The following POLR3A variants were observed in gnomAD, a reference collection of about 807,000 sequenced individuals.
POLR3A encodes the protein RNA polymerase III subunit A.
Under a neutral mutation model 152.8 loss-of-function variants are expected in POLR3A, and 112 were observed. The observed-to-expected ratio is 0.73, with a 90% CI of 0.63 to 0.86. The LOEUF (loss-of-function observed/expected upper bound fraction) is 0.86. POLR3A is among the 40% of genes least tolerant of loss of function. POLR3A has a pLI of 0.00. For missense variants in POLR3A, 1,385 were observed against 1,743.1 expected, an observed-to-expected ratio of 0.79 and a Z score of 3.66; for synonymous variants, 615 against 652.1, an observed-to-expected ratio of 0.94 and a Z score of 0.87.
Position 78,009,573 on chromosome 10 carries a change from A to G in POLR3A, c.1873T>C (p.Cys625Arg). ...ANLRTKGKQY[C>R]GKGEDLCAND... ...GCACAGAGATCTTCCCCTTTGCCACAGTACTGCTTGCCCTTGGTTCGCAGG... is the reference window on the plus strand; with the variant it reads ...GCACAGAGATCTTCCCCTTTGCCACGGTACTGCTTGCCCTTGGTTCGCAGG... The change falls in exon 14 of 31, where the codon TGT becomes CGT. Residue 625 changes from cysteine (C) to arginine (R), a missense_variant. Physicochemically the swap from Cys to Arg is radical, Grantham distance 180 (BLOSUM62 -3). Around this residue, in one of 7 missense-constraint regions of POLR3A, gnomAD observed 188 missense variants for 179.9 expected, o/e 1.04. Transcript: ENST00000372371. 1 of 1,614,204 alleles carries G rather than the reference A, an allele frequency of 6.2e-7. No individual in the cohort carries two copies.
At chr10:78,021,432 T>C in intron 8 of POLR3A, 114 bp downstream of exon 8, 1 of 998,650 alleles carries the variant, frequency 1.0e-6, no homozygotes, top group Non-Finnish European at 1.6e-6. Context: ...TAAACCAAAC[T>C]GTGGGTTGAG....
chr10:77,996,309 A>G (rs1371375332), intron 19 of POLR3A, among the ~76,000 whole-genome samples: 8 of 152,354 alleles, frequency 5.3e-5, no homozygotes, highest in African/African-American at 1.9e-4. Flanking sequence ...AATAACTAAG[A>G]TCAGAGCAGA....
intron 1 of POLR3A, among the ~76,000 whole-genome samples, chr10:78,027,812 C>T (rs1330921124): frequency 1.3e-5 from 2 of 152,166 alleles, no homozygotes; most frequent in Non-Finnish European, 2.9e-5. Context: ...CTGCCATGGC[C>T]TCCCAAAGTG....
chr10:78,025,482 G>A, intron 3 of POLR3A, 140 bp downstream of exon 3: 1 of 813,172 alleles, frequency 1.2e-6, no homozygotes, highest in Non-Finnish European at 2.1e-6. Flanking sequence ...AACGTAGTGT[G>A]AGATGAAAAT....
chr10:78,021,500 A>C (rs769839269), intron 8 of POLR3A, 46 bp downstream of exon 8: 1 of 1,606,482 alleles, frequency 6.2e-7, no homozygotes, highest in Admixed American at 1.7e-5. Flanking sequence ...ATAACGTAAA[A>C]GACTGAATTT....
intron 13 of POLR3A, 53 bp from the exon 14 acceptor site, chr10:78,009,728 C>G: frequency 1.2e-6 from 2 of 1,613,820 alleles, no homozygotes; most frequent in Non-Finnish European, 8.5e-7. Context: ...GTCTCAATCC[C>G]CCTTCAGTAG....
chr10:78,011,090 C>T (rs1408273922), intron 11 of POLR3A, among the ~76,000 whole-genome samples: 1 of 152,150 alleles, frequency 6.6e-6, no homozygotes, highest in Non-Finnish European at 1.5e-5. Context: ...TCAACTGATC[C>T]TCCCACCTTG....
At chr10:78,023,865 T>C (rs1847604079) in intron 5 of POLR3A, among the ~76,000 whole-genome samples, 1 of 151,810 alleles carries the variant, frequency 6.6e-6, no homozygotes, top group South Asian at 2.1e-4. Flanking sequence ...GGGCCAGGAA[T>C]GGTGACCTAT....
At chr10:77,990,214 A>C (rs952739468) in intron 21 of POLR3A, among the ~76,000 whole-genome samples, 1 of 152,204 alleles carries the variant, frequency 6.6e-6, no homozygotes, top group African/African-American at 2.4e-5. Context: ...ATAAAAAAAA[A>C]ACAAAAAACA....
rs1234086321 is a variant in POLR3A, at chr10:78,007,787, A to T, written c.1989T>A (p.Ile663=). The part of the protein sequence containing the change: ...GTLGSGSKNN[I]FYILLRDWGQ... Reference sequence around the variant, plus strand: ...CCCAGTCTCGCAGCAAAATGTAAAAAATATTGTTCTTGGATCCTGACCCTA... The same window carrying T: ...CCCAGTCTCGCAGCAAAATGTAAAATATATTGTTCTTGGATCCTGACCCTA... Residue 663 remains isoleucine, a synonymous_variant, in exon 15 of 31, where the codon ATT becomes ATA. Coordinates refer to ENST00000372371, the MANE Select transcript of POLR3A (RefSeq NM_007055.4). 2 of 1,614,012 alleles carry T rather than the reference A, an allele frequency of 1.2e-6. No individual in the cohort carries two copies. Among genetic ancestry groups the T allele is most frequent in the African/African-American group, 2.7e-5 (2 of 75,032 alleles).
intron 18 of POLR3A, 27 bp from the exon 19 acceptor site, chr10:78,000,145 T>A: frequency 1.9e-6 from 3 of 1,612,318 alleles, no homozygotes; most frequent in Non-Finnish European, 2.5e-6. Context: ...AAAAGAAAAA[T>A]CAAACAAAAA....
chr10:78,017,661 T>C lies in POLR3A; in HGVS notation c.1345A>G (p.Ile449Val), dbSNP rs756675053. Reference protein sequence around the residue: ...KMAQELKYGDIVERHLIDGDV... With the variant: ...KMAQELKYGDVVERHLIDGDV... ...CCATCGATGAGGTGTCTCTCTACGATGTCACCATACTTGAGCTCTTGAGCC... is the reference window on the plus strand; with the variant it reads ...CCATCGATGAGGTGTCTCTCTACGACGTCACCATACTTGAGCTCTTGAGCC... Residue 449 changes from isoleucine to valine, a missense_variant, in exon 10 of 31, where the codon ATC (isoleucine) becomes GTC (valine). Ile to Val is a conservative substitution (Grantham distance 29). Coordinates refer to ENST00000372371, the MANE Select transcript of POLR3A (RefSeq NM_007055.4). 6.2e-6 allele frequency: 10 copies of C among 1,614,024 alleles called. No individual in the cohort carries two copies. The highest frequency in any genetic ancestry group is 5.0e-5 in the Admixed American group (3 of 60,008).
intron 15 of POLR3A, among the ~76,000 whole-genome samples, chr10:78,006,392 T>A (rs560289339): frequency 1.2e-4 from 11 of 92,904 alleles, no homozygotes; most frequent in Non-Finnish European, 1.7e-4. Flanking sequence ...CAAGACTCTG[T>A]CTCAAAAAAA....
At position 77,990,929 on chromosome 10, in the gene POLR3A, T is replaced by C. The variant is rs1421864157; in HGVS notation, c.2901+125A>G. 4.4e-6 allele frequency: 3 copies of C among 687,630 alleles called. No individual in the cohort carries two copies. In the East Asian group the frequency reaches 8.2e-5, roughly 19 times the overall value. 42.6% of individuals were successfully genotyped at this position (687,630 alleles called of 1,614,324 possible). ...ATGCCTGGCCCATTCTTGAACTTTC[T>C]AACAAAGGAACAACCCTACCTTAAA... On this transcript the variant is annotated intron_variant, in intron 21 of 30. Coordinates refer to ENST00000372371, the MANE Select transcript of POLR3A (RefSeq NM_007055.4).
rs1589319953 is a variant in POLR3A, at chr10:78,026,250, T to G, written c.45-21A>C. The G allele has an allele frequency of 2.5e-6, 4 of 1,613,800 alleles. No homozygotes were observed. In the South Asian group the frequency reaches 3.3e-5, roughly 13 times the overall value. On this transcript the variant is annotated intron_variant, in intron 1 of 30. Coordinates refer to ENST00000372371, the MANE Select transcript of POLR3A (RefSeq NM_007055.4). Reference sequence around the variant, plus strand: ...GGCTTCTGGAATGGGAAGAAAAAGGTGAAAATTACAGCAAAATCTGTGACC... The same window carrying G: ...GGCTTCTGGAATGGGAAGAAAAAGGGGAAAATTACAGCAAAATCTGTGACC...
At chr10:78,002,003 G>A (rs1189845473) in intron 17 of POLR3A, among the ~76,000 whole-genome samples, 194 bp downstream of exon 17, 1 of 152,036 alleles carries the variant, frequency 6.6e-6, no homozygotes, top group Non-Finnish European at 1.5e-5. Flanking sequence ...TCAGAATCCA[G>A]ACACATTACC....
chr10:78,009,330 A>C (rs1043050010), intron 14 of POLR3A, among the ~76,000 whole-genome samples: 1 of 152,186 alleles, frequency 6.6e-6, no homozygotes, highest in African/African-American at 2.4e-5. Context: ...TCATGTGTCT[A>C]CATGATCTCT....
chr10:77,987,200 G>T (rs1455687844), intron 21 of POLR3A, among the ~76,000 whole-genome samples: 2 of 152,158 alleles, frequency 1.3e-5, no homozygotes, highest in Non-Finnish European at 2.9e-5. Context: ...CCATGTAGTA[G>T]CAACCATCCT....
At chr10:78,006,096 A>C (rs1847407995) in intron 15 of POLR3A, among the ~76,000 whole-genome samples, 1 of 152,132 alleles carries the variant, frequency 6.6e-6, no homozygotes, top group Non-Finnish European at 1.5e-5. Flanking sequence ...CAAAACAAGA[A>C]AGCTTTAAAA....
Sources: allele counts gnomAD v4.1 joint callset (sites outside exome capture counted in the v4.1 genomes callset), GRCh38; gene constraint gnomAD v4.1.1; regional missense constraint gnomAD v4.1.1; transcripts MANE v1.5; gene names NCBI Gene and HGNC (gene_info 2026-07-23, HGNC 2026-07-21).